Variants in DNM3 observed in about 807,000 individuals in gnomAD.
DNM3 encodes dynamin 3, also known as dynamin-3.
DNM3 carries 47 observed loss-of-function variants against 101.6 expected under a neutral mutation model. That is an observed-to-expected ratio of 0.46 (90% CI 0.37 to 0.59). The LOEUF (loss-of-function observed/expected upper bound fraction) is 0.59. Among genes scored for constraint, DNM3 ranks in the 20% least tolerant of loss-of-function variants. The pLI, the probability that DNM3 is intolerant of heterozygous loss-of-function variation, is 0.00. For synonymous variants in DNM3, 385 were observed against 387.9 expected, an observed-to-expected ratio of 0.99 and a Z score of 0.09; for missense variants, 849 against 1,085.7, an observed-to-expected ratio of 0.78 and a Z score of 3.06.
chr1:172,149,115 G>T (rs975437773), intron 14 of DNM3, among the ~76,000 whole-genome samples: 2 of 152,126 alleles, frequency 1.3e-5, no homozygotes, highest in Non-Finnish European at 2.9e-5. Context: ...GATTGTGAGA[G>T]AATTGATTTT....
chr1:172,128,418 G>A (rs1037499460), intron 13 of DNM3, among the ~76,000 whole-genome samples: 4 of 151,882 alleles, frequency 2.6e-5, no homozygotes, highest in East Asian at 1.9e-4. Flanking sequence ...TGGTAGCTGC[G>A]ATAGTTTCAG....
intron 1 of DNM3, among the ~76,000 whole-genome samples, chr1:171,910,082 T>C (rs918682280): frequency 1.2e-4 from 18 of 152,222 alleles, no homozygotes; most frequent in East Asian, 1.9e-4. Context: ...GAAGACAGAA[T>C]AGTGAGAGCT....
At chr1:172,261,266 T>C (rs1485437011) in intron 15 of DNM3, among the ~76,000 whole-genome samples, 1 of 152,232 alleles carries the variant, frequency 6.6e-6, no homozygotes, top group Non-Finnish European at 1.5e-5. Flanking sequence ...TTGAAATTGC[T>C]TTTGAAAAGG....
At chr1:172,169,678 C>T (rs757940373) in intron 14 of DNM3, among the ~76,000 whole-genome samples, 49 of 151,728 alleles carry the variant, frequency 3.2e-4, no homozygotes, top group Non-Finnish European at 5.6e-4. Context: ...TCTAGGGTGA[C>T]TTAAAAGAAA....
intron 17 of DNM3, among the ~76,000 whole-genome samples, chr1:172,339,446 A>G (rs1317517741): frequency 6.6e-6 from 1 of 152,216 alleles, no homozygotes; most frequent in African/African-American, 2.4e-5. Context: ...TTAGCCAGTC[A>G]GTCACCTGTT....
intron 17 of DNM3, among the ~76,000 whole-genome samples, chr1:172,362,995 C>T (rs1046431791): frequency 2.6e-5 from 4 of 151,824 alleles, no homozygotes; most frequent in Admixed American, 6.6e-5. Context: ...CTTATGGTCT[C>T]CTTTGCTGGC....
At chr1:172,237,487 T>C (rs1278147147) in intron 14 of DNM3, among the ~76,000 whole-genome samples, 1 of 152,128 alleles carries the variant, frequency 6.6e-6, no homozygotes, top group African/African-American at 2.4e-5. Flanking sequence ...AAATTATTTG[T>C]AAGTCAAGGC....
chr1:172,328,064 T>C (rs1399937125), intron 17 of DNM3, among the ~76,000 whole-genome samples: 1 of 152,200 alleles, frequency 6.6e-6, no homozygotes, highest in African/African-American at 2.4e-5. Flanking sequence ...TCATGCTAAA[T>C]AGACTCTATA....
intron 14 of DNM3, among the ~76,000 whole-genome samples, chr1:172,193,222 G>A (rs533413803): frequency 6.6e-6 from 1 of 152,178 alleles, no homozygotes; most frequent in East Asian, 1.9e-4. Flanking sequence ...AAAAAGTGGG[G>A]GTGGATAAGC....
intron 4 of DNM3, among the ~76,000 whole-genome samples, chr1:172,008,438 A>T (rs1165519827): frequency 6.6e-6 from 1 of 151,976 alleles, no homozygotes; most frequent in Non-Finnish European, 1.5e-5. Flanking sequence ...TAGTTTTTTC[A>T]GCACCATTTA....
chr1:171,911,273 CTTTTTTT>C (rs151321245), intron 1 of DNM3, among the ~76,000 whole-genome samples: 2 of 90,750 alleles, frequency 2.2e-5, no homozygotes, highest in African/African-American at 4.3e-5. Flanking sequence ...ACCCCAACAT[CTTTTTTT>C]TTTTTTTTTT....
At chr1:172,267,318 A>C (rs548837519) in intron 15 of DNM3, among the ~76,000 whole-genome samples, 1 of 152,312 alleles carries the variant, frequency 6.6e-6, no homozygotes, top group South Asian at 2.1e-4. Flanking sequence ...TTATATGGAG[A>C]AGATAGAAAT....
chr1:171,969,674 A>C (rs1427015587), intron 2 of DNM3, among the ~76,000 whole-genome samples: 1 of 152,204 alleles, frequency 6.6e-6, no homozygotes, highest in East Asian at 1.9e-4. Context: ...CAGCAAAAAA[A>C]GATTAAAGAA....
chr1:171,884,408 T>G (rs1033744268), intron 1 of DNM3, among the ~76,000 whole-genome samples: 6 of 152,188 alleles, frequency 3.9e-5, no homozygotes, highest in African/African-American at 7.2e-5. Context: ...CCCATATATG[T>G]TATCTTTAGG....
At chr1:172,234,582 C>G (rs1490302106) in intron 14 of DNM3, among the ~76,000 whole-genome samples, 1 of 152,138 alleles carries the variant, frequency 6.6e-6, no homozygotes, top group Non-Finnish European at 1.5e-5. Context: ...CCAAGTCAAT[C>G]CTAAGCCAAA....
chr1:172,117,582 C>T (rs918507700), intron 13 of DNM3, among the ~76,000 whole-genome samples: 3 of 152,110 alleles, frequency 2.0e-5, no homozygotes, highest in Non-Finnish European at 4.4e-5. Context: ...TGAGGCCTTC[C>T]CAGCCATGTG....
chr1:171,940,221 A>G (rs1028567057), intron 2 of DNM3, among the ~76,000 whole-genome samples: 1 of 152,180 alleles, frequency 6.6e-6, no homozygotes, highest in Non-Finnish European at 1.5e-5. Flanking sequence ...TAATTGTGTT[A>G]GTTTAATATT....
At chr1:172,012,467 A>C (rs2047193959) in intron 4 of DNM3, among the ~76,000 whole-genome samples, 2 of 152,042 alleles carry the variant, frequency 1.3e-5, no homozygotes, top group Admixed American at 6.6e-5. Flanking sequence ...ATAAGAAGAA[A>C]ATAGATTCAG....
chr1:172,277,054 C>A (rs1478996493), intron 15 of DNM3, among the ~76,000 whole-genome samples: 1 of 151,918 alleles, frequency 6.6e-6, no homozygotes, highest in East Asian at 1.9e-4. Context: ...CCTATAAGTG[C>A]TTTATTGAGC....
Sources: gnomAD v4.1 joint callset for allele counts (sites outside exome capture counted in the v4.1 genomes callset) on GRCh38, gnomAD v4.1.1 for gene constraint, MANE v1.5 for transcripts, NCBI Gene and HGNC (gene_info 2026-07-23, HGNC 2026-07-21) for gene names.